Variants in SFI1 observed in about 807,000 individuals in gnomAD.
The protein encoded by SFI1 is protein SFI1 homolog.
Under a neutral mutation model 207.5 loss-of-function variants are expected in SFI1, and 195 were observed. The observed-to-expected ratio is 0.94, with a 90% confidence interval of 0.84 to 1.06. SFI1 has a LOEUF of 1.06. Among genes scored for constraint, SFI1 ranks in the 50% least tolerant of loss-of-function variants. The pLI, the probability that SFI1 is intolerant of heterozygous loss-of-function variation, is 0.00. For missense variants in SFI1, 1,634 were observed against 1,588.0 expected (o/e 1.03, Z -0.49); for synonymous variants, 630 against 598.9 (o/e 1.05, Z -0.76).
Position 31,501,880 on chromosome 22 carries a change from G to A in SFI1, c.-31+5243G>A, listed in dbSNP as rs192783511. 7.2e-5 allele frequency among the ~76,000 whole-genome samples: 11 copies of A among 152,188 alleles called. No individual in the cohort carries two copies. In the East Asian group the frequency reaches 1.3e-3, roughly 19 times the overall value. On this transcript the variant is annotated intron_variant, in intron 1 of 32. Coordinates refer to ENST00000400288, the MANE Select transcript of SFI1 (RefSeq NM_001007467.3). ...ATGCCTATGTGGGTTTTTGCCGGAT[G>A]CTCTGATTTCCTCCCATGTCCCCAC... is the stretch of plus-strand genomic sequence containing the variant.
In SFI1 at chr22:31,583,926, GAA is replaced by G; in HGVS notation, c.1302_1303del (p.Glu436AlafsTer118). 6.2e-7 allele frequency: 1 copy of G among 1,614,160 alleles called. No homozygotes were observed. The highest frequency in any genetic ancestry group is 8.5e-7 in the Non-Finnish European group (1 of 1,180,036). On this transcript the variant is annotated frameshift_variant, in exon 13 of 33. Coordinates refer to ENST00000400288, the MANE Select transcript of SFI1 (RefSeq NM_001007467.3). LOFTEE classifies it high-confidence loss of function. ...GCGGTCTCAGATTGAGCAGAAAAAG[GAA>G]AGAGAGCTGCTCCCCTTACTGCATG... ...LWRSQIEQKK[E>X]RELLPLLHAA...
chr22:31,560,734 C>T (rs1220190062), intron 7 of SFI1, among the ~76,000 whole-genome samples: 1 of 149,226 alleles, frequency 6.7e-6, no homozygotes, highest in African/African-American at 2.5e-5. Context: ...TGGAGTCTCA[C>T]TCTGTCACCC....
chr22:31,559,615 G>A (rs749427227), intron 7 of SFI1: 2 of 689,516 alleles, frequency 2.9e-6, no homozygotes, highest in Non-Finnish European at 2.7e-6. Flanking sequence ...TCATAGTGTT[G>A]AGGAAAGCTG....
chr22:31,614,635 C>T, intron 27 of SFI1, 154 bp from the exon 28 acceptor site: 1 of 808,664 alleles, frequency 1.2e-6, no homozygotes, highest in East Asian at 2.6e-5. Flanking sequence ...GCTGGGAGCT[C>T]TATGGCCCAG....
At chr22:31,562,146 T>C (rs993836348) in intron 8 of SFI1, among the ~76,000 whole-genome samples, 8 of 152,200 alleles carry the variant, frequency 5.3e-5, no homozygotes, top group Non-Finnish European at 1.2e-4. Flanking sequence ...TTTCTGTTTT[T>C]GTAAATAAAG....
At chr22:31,525,569 A>T (rs549980123) in intron 2 of SFI1, among the ~76,000 whole-genome samples, 1 of 152,232 alleles carries the variant, frequency 6.6e-6, no homozygotes, top group East Asian at 1.9e-4. Context: ...TCTACAAAAA[A>T]TTAGCCAGGT....
chr22:31,570,364 A>G (rs1218563617), intron 8 of SFI1, among the ~76,000 whole-genome samples: 1 of 152,210 alleles, frequency 6.6e-6, no homozygotes, highest in African/African-American at 2.4e-5. Flanking sequence ...CAGTTGGAAC[A>G]ATGGAGTGCC....
At chr22:31,573,438 ATT>A (rs199990631) in intron 9 of SFI1, among the ~76,000 whole-genome samples, 7 of 141,500 alleles carry the variant, frequency 4.9e-5, no homozygotes, top group Non-Finnish European at 3.1e-5. Flanking sequence ...CTGTAGATAG[ATT>A]TTTTTTTTTT....
intron 29 of SFI1, chr22:31,615,781 G>A (rs2071323210): frequency 1.3e-5 from 2 of 154,008 alleles, no homozygotes; most frequent in Admixed American, 6.5e-5. Context: ...CTGCTCTGAG[G>A]GAGTTGCTGA....
chr22:31,565,679 A>C (rs2062220494), intron 8 of SFI1, among the ~76,000 whole-genome samples: 1 of 152,134 alleles, frequency 6.6e-6, no homozygotes, highest in South Asian at 2.1e-4. Flanking sequence ...CAGCTTGGGC[A>C]ACAGAGCAAG....
intron 14 of SFI1, chr22:31,587,482 G>GTTTTT: frequency 1.8e-5 from 3 of 162,806 alleles, no homozygotes; most frequent in Admixed American, 6.1e-5. Context: ...TTTGTGTTTT[G>GTTTTT]TTTTTTTTTT....
At chr22:31,498,756 A>AG (rs1428516987) in intron 1 of SFI1, among the ~76,000 whole-genome samples, 2 of 152,180 alleles carry the variant, frequency 1.3e-5, no homozygotes, top group African/African-American at 2.4e-5. Flanking sequence ...CAGATATGAT[A>AG]GAAAAATCAA....
At chr22:31,573,259 A>C (rs1157238641) in intron 9 of SFI1, 45 bp downstream of exon 9, 2 of 1,599,048 alleles carry the variant, frequency 1.3e-6, no homozygotes, top group Non-Finnish European at 1.7e-6. Flanking sequence ...ATCTGGTCAC[A>C]GTTTCACTCT....
At position 31,613,851 on chromosome 22, in the gene SFI1, G is replaced by C; in HGVS notation, c.2992G>C (p.Glu998Gln). The change falls in exon 27 of 33, where the codon GAG (glutamate) becomes CAG (glutamine). Residue 998 changes from glutamate (E) to glutamine (Q), a missense_variant. Transcript: ENST00000400288. ...GGCTGCTGAGGAGCCCCACGCCCTG[G>C]AGCTGTGAGTAGCCTGTGCTCACCT... Reference protein sequence around the residue: ...RLAAEEPHALELNTAHSARKQ... With the variant: ...RLAAEEPHALQLNTAHSARKQ... 1 of 1,601,308 alleles carries C rather than the reference G, an allele frequency of 6.2e-7. No individual in the cohort carries two copies. Among genetic ancestry groups the C allele is most frequent in the Non-Finnish European group, 8.5e-7 (1 of 1,173,930 alleles).
Position 31,608,062 on chromosome 22 carries a change from T to C in SFI1, c.2254+29T>C, listed in dbSNP as rs368162270. The C allele has an allele frequency of 7.0e-6, 11 of 1,579,252 alleles. No individual in the cohort carries two copies. The East Asian group carries it at 1.1e-4, about 16-fold the overall frequency. On this transcript the variant is annotated intron_variant, in intron 22 of 32. Coordinates refer to ENST00000400288, the MANE Select transcript of SFI1 (RefSeq NM_001007467.3). ...AGTGGGGCCCCAGAAGCAAGTCATG[T>C]TGAGGAATGTGAAGACAGCGCTGTT...
chr22:31,522,014 C>T (rs1238670175), intron 2 of SFI1, among the ~76,000 whole-genome samples: 1 of 147,326 alleles, frequency 6.8e-6, no homozygotes, highest in Non-Finnish European at 1.5e-5. Context: ...ATCCACCTGC[C>T]TTGGCCTCCC....
chr22:31,517,854 T>G (rs939088763), intron 2 of SFI1, among the ~76,000 whole-genome samples: 5 of 152,236 alleles, frequency 3.3e-5, no homozygotes, highest in Non-Finnish European at 5.9e-5. Context: ...GCGATAAGCC[T>G]GATATCTAAG....
intron 1 of SFI1, among the ~76,000 whole-genome samples, chr22:31,499,632 A>G (rs2053372367): frequency 6.6e-6 from 1 of 152,172 alleles, no homozygotes; most frequent in Non-Finnish European, 1.5e-5. Flanking sequence ...ACTGTGGGTA[A>G]AATGCTATTA....
chr22:31,528,573 G>C, intron 2 of SFI1, 117 bp from the exon 3 acceptor site: 2 of 894,966 alleles, frequency 2.2e-6, no homozygotes, highest in Non-Finnish European at 1.7e-6. Context: ...TTGCAGCATA[G>C]GTATTGTCAG....
Sources: gnomAD v4.1 joint callset for allele counts (sites outside exome capture counted in the v4.1 genomes callset) on GRCh38, gnomAD v4.1.1 for gene constraint, MANE v1.5 for transcripts, NCBI Gene and HGNC (gene_info 2026-07-23, HGNC 2026-07-21) for gene names.